ANO10: variants seen among roughly 807,000 people sequenced by gnomAD.
ANO10 encodes the protein anoctamin 10, also known as anoctamin-10.
A neutral mutation model predicts 74.7 loss-of-function variants in ANO10; 77 were observed. The ratio of observed to expected loss-of-function variants is 1.03; its 90% CI spans 0.86 to 1.25. The LOEUF is 1.25. Ranked by LOEUF, ANO10 falls within the 50% of genes most tolerant of loss-of-function variation. The probability of loss-of-function intolerance (pLI) is 0.00; values close to 1 mark genes in which losing one functional copy is unlikely to be tolerated. For missense variants in ANO10, 721 were observed against 778.1 expected (o/e 0.93, Z 0.87); for synonymous variants, 279 against 284.9 (o/e 0.98, Z 0.21).
intron 4 of ANO10, among the ~76,000 whole-genome samples, chr3:43,593,025 A>C (rs2081878244): frequency 6.6e-6 from 1 of 152,236 alleles, no homozygotes; most frequent in Non-Finnish European, 1.5e-5. Context: ...TGAAGATCAA[A>C]TGAATGAAAT....
At chr3:43,498,796 G>C (rs142025471) in intron 11 of ANO10, among the ~76,000 whole-genome samples, 1 of 152,120 alleles carries the variant, frequency 6.6e-6, no homozygotes, top group African/African-American at 2.4e-5. Flanking sequence ...CAGCAGGTAG[G>C]GTAAGAGGGG....
intron 11 of ANO10, among the ~76,000 whole-genome samples, chr3:43,506,926 C>T (rs1346681318): frequency 6.6e-6 from 1 of 152,164 alleles, no homozygotes; most frequent in Non-Finnish European, 1.5e-5. Flanking sequence ...CATCTATCTT[C>T]CCCCCTAAAA....
chr3:43,492,166 C>T (rs934116118), intron 11 of ANO10, among the ~76,000 whole-genome samples: 6 of 152,184 alleles, frequency 3.9e-5, no homozygotes, highest in African/African-American at 1.4e-4. Context: ...CTTTGACAAA[C>T]CTGACACACA....
Position 43,580,432 on chromosome 3 carries a change from A to G in ANO10, c.513T>C (p.Phe171=), listed in dbSNP as rs758630215. 3.7e-6 allele frequency: 6 copies of G among 1,613,972 alleles called. No homozygotes were observed. The highest frequency in any genetic ancestry group is 2.7e-5 in the African/African-American group (2 of 74,924). Residue 171 remains phenylalanine, a synonymous_variant, in exon 5 of 13, where the codon TTT becomes TTC. Coordinates refer to ENST00000292246, the MANE Select transcript of ANO10 (RefSeq NM_018075.5). ...TCAGGGCTTCACTGTCATGCAGTGGAAACACCTGAATCACGATGCCAGACG... is the reference window on the plus strand; with the variant it reads ...TCAGGGCTTCACTGTCATGCAGTGGGAACACCTGAATCACGATGCCAGACG... ...LLTSGIVIQV[F]PLHDSEALKK... is the part of the protein sequence containing the mutation.
At chr3:43,563,378 G>C (rs72865076) in intron 8 of ANO10, among the ~76,000 whole-genome samples, 3,835 of 148,434 alleles carry the variant, frequency 0.026, 149 homozygotes, top group African/African-American at 0.088. Flanking sequence ...GGTAGAAATG[G>C]AAATTGATAC....
Position 43,487,777 on chromosome 3 carries a change from C to T in ANO10, c.1798-55050G>A, listed in dbSNP as rs532931115. ...CCAGCTCCTGGATTCATTAATTTTT[C>T]GAAGGGTTTTTTGTGTCTCTTGTGT... is the stretch of plus-strand genomic sequence containing the variant. On this transcript the variant is annotated intron_variant, in intron 11 of 12. Coordinates refer to ENST00000292246, the MANE Select transcript of ANO10 (RefSeq NM_018075.5). 8.6e-5 allele frequency among the ~76,000 whole-genome samples: 13 copies of T among 151,892 alleles called. No homozygotes were observed. The South Asian group carries it at 1.2e-3, about 15-fold the overall frequency.
intron 1 of ANO10, among the ~76,000 whole-genome samples, chr3:43,662,646 A>G (rs1434844097): frequency 6.6e-6 from 1 of 152,142 alleles, no homozygotes; most frequent in African/African-American, 2.4e-5. Flanking sequence ...ATAGACCGCT[A>G]CCAAGACTAG....
chr3:43,622,138 A>G (rs1215299387), upstream of ANO10: 2 of 152,080 alleles, frequency 1.3e-5, no homozygotes, highest in East Asian at 1.9e-4. Context: ...GGAGGGGCGG[A>G]ACTGCGGTGG....
intron 11 of ANO10, among the ~76,000 whole-genome samples, chr3:43,491,025 G>A (rs1051034051): frequency 2.6e-5 from 4 of 152,100 alleles, no homozygotes; most frequent in Non-Finnish European, 4.4e-5. Flanking sequence ...GCAGGGGGGC[G>A]GGGTTTAAAT....
chr3:43,646,086 G>T (rs2083723387), intron 1 of ANO10, among the ~76,000 whole-genome samples: 1 of 152,158 alleles, frequency 6.6e-6, no homozygotes. Context: ...GGGATTACAG[G>T]CATGAGCCAC....
At chr3:43,560,319 C>A (rs1379291107) in intron 9 of ANO10, among the ~76,000 whole-genome samples, 1 of 151,924 alleles carries the variant, frequency 6.6e-6, no homozygotes, top group African/African-American at 2.4e-5. Flanking sequence ...GGGGCAACTG[C>A]AAAAAATAAG....
chr3:43,574,670 TATTA>T, intron 7 of ANO10, 135 bp downstream of exon 7: 1 of 708,340 alleles, frequency 1.4e-6, no homozygotes, highest in South Asian at 1.7e-5. Flanking sequence ...TACACATATT[TATTA>T]ATCAATCCTT....
chr3:43,562,688 A>C lies in ANO10; in HGVS notation c.1294-1286T>G, dbSNP rs139690338. ...AGAGTGAGACTCCATCTAAAAAAAA[A>C]AAAGAAGAATGTATATTGGAGAAAA... On this transcript the variant is annotated intron_variant, in intron 8 of 12. Coordinates refer to ENST00000292246, the MANE Select transcript of ANO10 (RefSeq NM_018075.5). Among the ~76,000 whole-genome samples, 792 of 152,078 alleles carry C rather than the reference A, an allele frequency of 5.2e-3. 4 individuals are homozygous for C. The highest frequency in any genetic ancestry group is 0.017 in the African/African-American group (722 of 41,532).
chr3:43,375,146 T>C (rs1470126639), intron 12 of ANO10, among the ~76,000 whole-genome samples: 1 of 140,566 alleles, frequency 7.1e-6, no homozygotes, highest in Non-Finnish European at 1.5e-5. Flanking sequence ...AACAAAAAAC[T>C]TTAAGAATCA....
intron 11 of ANO10, among the ~76,000 whole-genome samples, chr3:43,493,467 C>A (rs1284323496): frequency 6.6e-6 from 1 of 151,722 alleles, no homozygotes; most frequent in African/African-American, 2.4e-5. Flanking sequence ...TTCTTCAGGA[C>A]ATCAGACAAT....
intron 11 of ANO10, among the ~76,000 whole-genome samples, chr3:43,507,498 C>T (rs757186300): frequency 2.0e-5 from 3 of 152,078 alleles, no homozygotes; most frequent in Non-Finnish European, 4.4e-5. Flanking sequence ...GCTGCTGGTC[C>T]CTGGAAGTTT....
At chr3:43,444,285 T>C (rs990935863) in intron 11 of ANO10, among the ~76,000 whole-genome samples, 5 of 152,182 alleles carry the variant, frequency 3.3e-5, no homozygotes, top group Non-Finnish European at 5.9e-5. Flanking sequence ...AATTTACATG[T>C]GTTAAAGTTT....
chr3:43,469,702 C>T (rs180684201), intron 11 of ANO10, among the ~76,000 whole-genome samples: 127 of 152,314 alleles, frequency 8.3e-4, no homozygotes, highest in African/African-American at 2.8e-3. Context: ...CTCCCATTAT[C>T]CTTAAACATA....
chr3:43,667,845 T>C (rs2084010861), intron 1 of ANO10, among the ~76,000 whole-genome samples: 1 of 152,222 alleles, frequency 6.6e-6, no homozygotes, highest in Non-Finnish European at 1.5e-5. Context: ...GCTCATGGGT[T>C]GATGGGCACT....
Sources: gnomAD v4.1 joint callset for allele counts (sites outside exome capture counted in the v4.1 genomes callset) on GRCh38, gnomAD v4.1.1 for gene constraint, MANE v1.5 for transcripts, NCBI Gene and HGNC (gene_info 2026-07-23, HGNC 2026-07-21) for gene names.